Variants in CCDC88A observed in about 807,000 individuals in gnomAD.
CCDC88A encodes the protein coiled-coil and HOOK domain protein 88A.
A neutral mutation model predicts 234.3 loss-of-function variants in CCDC88A; 54 were observed. The observed-to-expected ratio is 0.23, with a 90% CI of 0.19 to 0.29. CCDC88A has a LOEUF of 0.29. Ranked by LOEUF, CCDC88A falls within the 10% of genes least tolerant of loss-of-function variation. CCDC88A has a pLI of 1.00. For synonymous variants in CCDC88A, 753 were observed against 737.8 expected, an observed-to-expected ratio of 1.02 and a Z score of -0.33; for missense variants, 1,832 against 2,123.4, an observed-to-expected ratio of 0.86 and a Z score of 2.70.
At chr2:55,333,499 T>G (rs1685165418) in intron 15 of CCDC88A, among the ~76,000 whole-genome samples, 1 of 152,148 alleles carries the variant, frequency 6.6e-6, no homozygotes, top group Non-Finnish European at 1.5e-5. Context: ...TCATGGGGCT[T>G]TGGAGTCTGA....
At chr2:55,403,370 TTAAA>T (rs1267815833) in intron 2 of CCDC88A, 1 of 152,230 alleles carries the variant, frequency 6.6e-6, no homozygotes, top group Non-Finnish European at 1.5e-5. Flanking sequence ...CCACAGAATG[TTAAA>T]AAGATTCAAG....
chr2:55,334,751 T>A lies in CCDC88A; in HGVS notation c.2070A>T (p.Glu690Asp). Residue 690 changes from glutamate to aspartate, a missense_variant, in exon 15 of 33, where the codon GAA (glutamate) becomes GAT (aspartate). This residue lies in a region of CCDC88A where 1,282 missense variants were observed against 1,543.6 expected (regional missense o/e 0.83). Coordinates refer to ENST00000436346, the MANE Select transcript of CCDC88A (RefSeq NM_001365480.1). This position sits in a 1 kb window ranked among gnomAD's most constrained non-coding sequence, Gnocchi z 6.1. The part of the protein sequence containing the change: ...DSFKNLTFQL[E>D]SLEKENSQLD... ...GTTGGGAATTCTCTTTTTCTAGGGA[T>A]TCTAACTGAAAGGTCAGATTTTTAA... is the stretch of plus-strand genomic sequence containing the variant. 6.2e-7 allele frequency: 1 copy of A among 1,610,652 alleles called. No homozygotes were observed. The highest frequency in any genetic ancestry group is 8.5e-7 in the Non-Finnish European group (1 of 1,178,866).
At chr2:55,301,450 C>A in intron 27 of CCDC88A, 173 bp from the exon 28 acceptor site, 1 of 528,110 alleles carries the variant, frequency 1.9e-6, no homozygotes, top group Non-Finnish European at 3.3e-6. Flanking sequence ...AAAATGACAA[C>A]TCTCATTAGA....
In CCDC88A at chr2:55,358,421, AAGTTACAC is replaced by A. The variant is rs1670868535; in HGVS notation, c.628-2678_628-2671del. Reference sequence around the variant, plus strand: ...GATAAAGCTCTAACAGAAAAACAAGAAGTTACACAGTCCTACTACAGATCTTGCTATCC... The same window carrying A: ...GATAAAGCTCTAACAGAAAAACAAGAAGTCCTACTACAGATCTTGCTATCC... On this transcript the variant is annotated intron_variant, in intron 7 of 32. Transcript: ENST00000436346. Among the ~76,000 whole-genome samples, 8 of 152,296 alleles carry A rather than the reference AAGTTACAC, an allele frequency of 5.3e-5. No homozygotes were observed. The South Asian group carries it at 1.7e-3, about 32-fold the overall frequency.
chr2:55,333,473 GC>G (rs752882843), intron 15 of CCDC88A, among the ~76,000 whole-genome samples: 1 of 152,098 alleles, frequency 6.6e-6, no homozygotes, highest in African/African-American at 2.4e-5. Context: ...GCATTCTCTG[GC>G]TTTGAGGTCA....
In CCDC88A at chr2:55,308,867, A is replaced by T. The variant is rs183763116; in HGVS notation, c.4329T>A (p.Ser1443=). The change falls in exon 25 of 33, where the codon TCT becomes TCA. Residue 1443 remains serine, a synonymous_variant. Transcript: ENST00000436346. Reference sequence around the variant, plus strand: ...CTTCTAAAGAGTTTGAACCTACTGAAGAACTATCTTGACTGTCTTGATGAG... The same window carrying T: ...CTTCTAAAGAGTTTGAACCTACTGATGAACTATCTTGACTGTCTTGATGAG... ...QLPHQDSQDS[S]SVGSNSLEDG... is the part of the protein sequence containing the mutation. The T allele has an allele frequency of 2.7e-5, 43 of 1,614,160 alleles. No homozygotes were observed. Among genetic ancestry groups the T allele is most frequent in the Non-Finnish European group, 2.5e-6 (3 of 1,180,010 alleles).
At chr2:55,353,657 A>C (rs1488592305) in intron 8 of CCDC88A, among the ~76,000 whole-genome samples, 1 of 150,402 alleles carries the variant, frequency 6.6e-6, no homozygotes, top group Non-Finnish European at 1.5e-5. Context: ...ACCAAAAAAA[A>C]AAAAAAAAAA....
chr2:55,409,540 T>C (rs989003737), intron 2 of CCDC88A, among the ~76,000 whole-genome samples: 1 of 152,188 alleles, frequency 6.6e-6, no homozygotes, highest in African/African-American at 2.4e-5. Flanking sequence ...AACAGTTTAT[T>C]ACACAGTAAG....
At chr2:55,397,532 A>ATCCAAATGCATAATTTGGATT (rs1558817859) in intron 2 of CCDC88A, among the ~76,000 whole-genome samples, 130 of 150,096 alleles carry the variant, frequency 8.7e-4, no homozygotes, top group South Asian at 3.5e-3. Context: ...TAATTTGGAT[A>ATCCAAATGCATAATTTGGATT]ATCCAAATGC....
chr2:55,398,075 C>A (rs930895135), intron 2 of CCDC88A, among the ~76,000 whole-genome samples: 1 of 152,126 alleles, frequency 6.6e-6, no homozygotes, highest in Non-Finnish European at 1.5e-5. Flanking sequence ...ATTAACCTCA[C>A]AATCAAAAGG....
Position 55,295,610 on chromosome 2 carries a change from G to A in CCDC88A, c.5538C>T (p.Thr1846=). ...AATGGTACTCACTAGATGCTGCAGT[G>A]GTGTTGCTGTCAGCAGCAGCTGGTG... The part of the protein sequence containing the change: ...DSPPAAADSN[T]TAASNVDKVQ... The change falls in exon 31 of 33, where the codon ACC becomes ACT. Residue 1846 remains threonine (T), a synonymous_variant. Transcript: ENST00000436346. 6.2e-7 allele frequency: 1 copy of A among 1,614,100 alleles called. No individual in the cohort carries two copies. Among genetic ancestry groups the A allele is most frequent in the African/African-American group, 1.3e-5 (1 of 75,024 alleles).
intron 7 of CCDC88A, among the ~76,000 whole-genome samples, chr2:55,357,243 TA>T (rs1459554479): frequency 6.6e-6 from 1 of 152,142 alleles, no homozygotes; most frequent in Non-Finnish European, 1.5e-5. Context: ...GCTCTAATAG[TA>T]GTTCCAATCT....
At chr2:55,350,164 G>C (rs142393916) in intron 8 of CCDC88A, 2,002 of 152,426 alleles carry the variant, frequency 0.013, 32 homozygotes, top group Non-Finnish European at 0.016. Context: ...GATGCCACCC[G>C]CCTTGGCCTC....
chr2:55,407,417 C>T (rs1679776117), intron 2 of CCDC88A, among the ~76,000 whole-genome samples: 1 of 151,216 alleles, frequency 6.6e-6, no homozygotes, highest in African/African-American at 2.4e-5. Flanking sequence ...CCCGCCTGGC[C>T]AACATGGTGA....
chr2:55,380,536 C>A (rs963585493), intron 3 of CCDC88A, among the ~76,000 whole-genome samples: 1 of 151,564 alleles, frequency 6.6e-6, no homozygotes, highest in Non-Finnish European at 1.5e-5. Flanking sequence ...AAAGATATTA[C>A]AATTTCATTT....
Position 55,334,657 on chromosome 2 carries a change from G to A in CCDC88A, c.2164C>T (p.Gln722Ter). The A allele has an allele frequency of 6.2e-7, 1 of 1,613,694 alleles. No individual in the cohort carries two copies. Among genetic ancestry groups the A allele is most frequent in the Non-Finnish European group, 8.5e-7 (1 of 1,179,854 alleles). Residue 722 changes from glutamine to a stop codon, truncating the protein, a stop_gained, in exon 15 of 33, where the codon CAG (glutamine) becomes TAG (stop). Transcript: ENST00000436346. LOFTEE classifies it high-confidence loss of function. This position sits in a 1 kb window ranked among gnomAD's most constrained non-coding sequence, Gnocchi z 6.1. ...AGTTCTTTGTTTTCTAGCTGTAGCT[G>A]AGCCATTTTCATGCTTGCACACTTC... ...SLKCASMKMA[Q>*]LQLENKELES...
intron 2 of CCDC88A, among the ~76,000 whole-genome samples, chr2:55,411,473 AC>A (rs1252780172): frequency 6.6e-6 from 1 of 152,128 alleles, no homozygotes; most frequent in Admixed American, 6.5e-5. Context: ...AAAGCTGTGG[AC>A]AAAAAAATCT....
chr2:55,327,668 A>G (rs140873012), intron 17 of CCDC88A, among the ~76,000 whole-genome samples: 235 of 152,330 alleles, frequency 1.5e-3, no homozygotes, highest in Middle Eastern at 6.8e-3. Flanking sequence ...CACTGCAGAG[A>G]TGATAAAAGG....
At chr2:55,297,301 T>G in intron 29 of CCDC88A, 1 of 76,236 alleles carries the variant, frequency 1.3e-5, no homozygotes, top group Non-Finnish European at 2.6e-5. Context: ...ATAATTTATA[T>G]ATAATTATAT....
Sources: gnomAD v4.1 joint callset for allele counts (sites outside exome capture counted in the v4.1 genomes callset) on GRCh38, gnomAD v4.1.1 for gene constraint, gnomAD v4.1.1 regional missense constraint, Gnocchi (gnomAD v3.1) non-coding constraint, MANE v1.5 for transcripts, NCBI Gene and HGNC (gene_info 2026-07-23, HGNC 2026-07-21) for gene names.